The following SENP5 variants were observed in gnomAD, a reference collection of about 807,000 sequenced individuals.
SENP5 encodes the protein SUMO specific peptidase 5, also known as sentrin-specific protease 5.
In SENP5, 21 loss-of-function variants were observed where a neutral mutation model predicts 74.2. The ratio of observed to expected loss-of-function variants is 0.28; its 90% CI spans 0.20 to 0.41. SENP5 has a LOEUF of 0.41. SENP5 is among the 10% of genes least tolerant of loss of function. The probability of loss-of-function intolerance (pLI) is 1.00; values close to 1 mark genes in which losing one functional copy is unlikely to be tolerated. For missense variants in SENP5, 717 were observed against 889.1 expected (o/e 0.81, Z 2.46); for synonymous variants, 311 against 312.7 (o/e 0.99, Z 0.06).
At chr3:196,873,952 C>T (rs1287433759) in intron 1 of SENP5, among the ~76,000 whole-genome samples, 2 of 151,890 alleles carry the variant, frequency 1.3e-5, no homozygotes, top group Non-Finnish European at 2.9e-5. Context: ...ATCCTTCTGC[C>T]TCAGCCTCTT....
chr3:196,916,533 T>A (rs939845700), intron 6 of SENP5, among the ~76,000 whole-genome samples: 2 of 150,710 alleles, frequency 1.3e-5, no homozygotes, highest in Non-Finnish European at 3.0e-5. Context: ...TTGACTTTTT[T>A]TTTTTTTTTT....
chr3:196,914,586 A>AAAAAAAAAAAAAAAATATATATATAT, intron 6 of SENP5: 1 of 33,500 alleles, frequency 3.0e-5, no homozygotes, highest in Non-Finnish European at 5.1e-5. Context: ...AAAAAAAAAA[A>AAAAAAAAAAAAAAAATATATATATAT]ATATATATAT....
At chr3:196,871,008 A>C (rs1713191538) in intron 1 of SENP5, among the ~76,000 whole-genome samples, 2 of 151,874 alleles carry the variant, frequency 1.3e-5, no homozygotes. Flanking sequence ...TCTGTACTGA[A>C]AATACAAAAA....
Position 196,886,610 on chromosome 3 carries a change from A to C in SENP5, c.1429A>C (p.Lys477Gln). 6.2e-7 allele frequency: 1 copy of C among 1,611,548 alleles called. No individual in the cohort carries two copies. Among genetic ancestry groups the C allele is most frequent in the Middle Eastern group, 1.7e-4 (1 of 6,038 alleles). The change falls in exon 2 of 10, where the codon AAA becomes CAA. Residue 477 changes from lysine to glutamine, a missense_variant. Physicochemically the swap from Lys to Gln is moderately conservative, Grantham distance 53. Around this residue, in one of 4 missense-constraint regions of SENP5, gnomAD observed 567 missense variants for 577.4 expected, o/e 0.98. Transcript: ENST00000323460. The part of the protein sequence containing the change: ...LEAPLVCSGL[K>Q]LENQVGGGKN... ...GGCTCCCTTGGTGTGCAGTGGACTC[A>C]AACTAGAAAATCAAGTAGGAGGTGG...
intron 6 of SENP5, among the ~76,000 whole-genome samples, chr3:196,922,061 A>G (rs1003057150): frequency 2.6e-5 from 4 of 152,218 alleles, no homozygotes; most frequent in African/African-American, 9.6e-5. Flanking sequence ...AGGATTGTAA[A>G]GGATGCATAA....
intron 1 of SENP5, among the ~76,000 whole-genome samples, chr3:196,877,125 G>C (rs1337593121): frequency 6.6e-6 from 1 of 152,068 alleles, no homozygotes; most frequent in Non-Finnish European, 1.5e-5. Flanking sequence ...TTCAAGACCA[G>C]TCTGGGCAAC....
In SENP5 at chr3:196,934,225, ATCC is replaced by A. The variant is rs1371305355; in HGVS notation, c.*3304_*3306del. 3 of 152,350 alleles carry A rather than the reference ATCC, an allele frequency of 2.0e-5. No individual in the cohort carries two copies. The highest frequency in any genetic ancestry group is 7.2e-5 in the African/African-American group (3 of 41,576). 9.4% of individuals were successfully genotyped at this position (152,350 alleles called of 1,614,324 possible). ...ATAGCACTGAATCTGAGTAACAGTCATCCTGGATTTATAGTTGGAACAGAACAG... is the reference window on the plus strand; with the variant it reads ...ATAGCACTGAATCTGAGTAACAGTCATGGATTTATAGTTGGAACAGAACAG... On this transcript the variant is annotated 3_prime_UTR_variant, in exon 10 of 10. Transcript: ENST00000323460.
chr3:196,899,893 TACC>T, intron 3 of SENP5, 28 bp from the exon 4 acceptor site: 1 of 1,608,400 alleles, frequency 6.2e-7, no homozygotes, highest in Admixed American at 1.7e-5. Context: ...ATGTTTTTTT[TACC>T]TTTTGTTTCA....
rs923285749 is a variant in SENP5, at chr3:196,903,797, A to G, written c.1884+187A>G. 2.6e-5 allele frequency among the ~76,000 whole-genome samples: 4 copies of G among 152,242 alleles called. 1 individual carries two copies. Among genetic ancestry groups the G allele is most frequent in the Admixed American group, 6.5e-5 (1 of 15,282 alleles). ...AGACCTTAATTGCCTACTGGTCCCA[A>G]TTATAGTGGTAGAACAGTGGGATGA... On this transcript the variant is annotated intron_variant, in intron 6 of 9. Coordinates refer to ENST00000323460, the MANE Select transcript of SENP5 (RefSeq NM_152699.5).
intron 2 of SENP5, among the ~76,000 whole-genome samples, chr3:196,896,819 C>G (rs1033774290): frequency 1.3e-5 from 2 of 152,114 alleles, no homozygotes; most frequent in African/African-American, 4.8e-5. Context: ...ATGAGACAGG[C>G]TAGTGCTTGT....
At chr3:196,906,363 C>T (rs1714904394) in intron 6 of SENP5, among the ~76,000 whole-genome samples, 1 of 152,082 alleles carries the variant, frequency 6.6e-6, no homozygotes, top group Non-Finnish European at 1.5e-5. Flanking sequence ...GTAAGTAAAA[C>T]AATATTAGAG....
intron 6 of SENP5, among the ~76,000 whole-genome samples, chr3:196,911,552 G>A (rs1715125032): frequency 7.2e-6 from 1 of 137,938 alleles, no homozygotes; most frequent in South Asian, 2.6e-4. Context: ...GTGAGACTTT[G>A]TCTCAAAAAA....
At chr3:196,919,228 C>G in intron 6 of SENP5, among the ~76,000 whole-genome samples, 1 of 152,212 alleles carries the variant, frequency 6.6e-6, no homozygotes, top group East Asian at 1.9e-4. Context: ...CGCCTGTAAT[C>G]CTATTAGTTT....
intron 2 of SENP5, among the ~76,000 whole-genome samples, chr3:196,892,011 C>A (rs186119539): frequency 0.011 from 1,725 of 151,968 alleles, 29 homozygotes; most frequent in African/African-American, 0.039. Context: ...AGGATGGTCT[C>A]AATCTCCTGA....
chr3:196,927,663 C>G (rs1715864589), intron 7 of SENP5, 133 bp from the exon 8 acceptor site: 2 of 504,050 alleles, frequency 4.0e-6, no homozygotes, highest in Non-Finnish European at 7.1e-6. Context: ...AAAATTGTTC[C>G]AGCTTCTTAA....
rs1716115494 is a variant in SENP5, at chr3:196,933,279, G to A, written c.*2356G>A. 6.6e-6 allele frequency: 1 copy of A among 152,086 alleles called. No individual in the cohort carries two copies. Among genetic ancestry groups the A allele is most frequent in the South Asian group, 2.1e-4 (1 of 4,834 alleles). 9.4% of individuals were successfully genotyped at this position (152,086 alleles called of 1,614,324 possible). On this transcript the variant is annotated 3_prime_UTR_variant, in exon 10 of 10. Coordinates refer to ENST00000323460, the MANE Select transcript of SENP5 (RefSeq NM_152699.5). ...GATCTGCCCGCCTGGGCCTCCCAAA[G>A]TGCTGGGATTACAGGCGGGAGCCAC...
intron 1 of SENP5, among the ~76,000 whole-genome samples, chr3:196,868,358 G>T (rs1713027290): frequency 1.3e-5 from 2 of 152,258 alleles, no homozygotes; most frequent in South Asian, 2.1e-4. Flanking sequence ...TCCTGAAGCC[G>T]GGAAAGCTCT....
chr3:196,901,830 A>C (rs1216506168), intron 5 of SENP5, among the ~76,000 whole-genome samples: 1 of 152,252 alleles, frequency 6.6e-6, no homozygotes, highest in East Asian at 1.9e-4. Context: ...ACCATTGTAC[A>C]TTTAATTCTA....
intron 6 of SENP5, among the ~76,000 whole-genome samples, 189 bp downstream of exon 6, chr3:196,903,799 T>TA (rs1383857333): frequency 6.6e-6 from 1 of 152,262 alleles, no homozygotes; most frequent in Non-Finnish European, 1.5e-5. Context: ...TGGTCCCAAT[T>TA]ATAGTGGTAG....
Sources: allele counts gnomAD v4.1 joint callset (sites outside exome capture counted in the v4.1 genomes callset), GRCh38; gene constraint gnomAD v4.1.1; regional missense constraint gnomAD v4.1.1; transcripts MANE v1.5; gene names NCBI Gene and HGNC (gene_info 2026-07-23, HGNC 2026-07-21).